The following MRTO4 variants were observed in gnomAD, a reference collection of about 807,000 sequenced individuals.
MRTO4 encodes the protein mRNA turnover protein 4 homolog.
Under a neutral mutation model 28.6 loss-of-function variants are expected in MRTO4, and 7 were observed. The observed-to-expected ratio is 0.24, with a 90% CI of 0.14 to 0.46. The LOEUF (loss-of-function observed/expected upper bound fraction) is 0.46. Among genes scored for constraint, MRTO4 ranks in the 20% least tolerant of loss-of-function variants. The pLI is 0.99. For synonymous variants in MRTO4, 113 were observed against 108.2 expected, an observed-to-expected ratio of 1.04 and a Z score of -0.27; for missense variants, 302 against 298.3, an observed-to-expected ratio of 1.01 and a Z score of -0.09.
Position 19,255,953 on chromosome 1 carries a change from G to A in MRTO4, c.93G>A (p.Arg31=), listed in dbSNP as rs1260965426. 6.2e-7 allele frequency: 1 copy of A among 1,613,874 alleles called. No individual in the cohort carries two copies. Among genetic ancestry groups the A allele is most frequent in the African/African-American group, 1.3e-5 (1 of 74,882 alleles). ...ELKQNLIEEL[R]KCVDTYKYLF... is the part of the protein sequence containing the mutation. ...CCTCGTGAATTGTCCCACAGCTTCG[G>A]AAATGTGTGGACACCTACAAGTACC... is the stretch of plus-strand genomic sequence containing the variant. Residue 31 remains arginine, a synonymous_variant, in exon 3 of 8, where the codon CGG becomes CGA. Coordinates refer to ENST00000330263, the MANE Select transcript of MRTO4 (RefSeq NM_016183.4).
rs2093676370 is a variant in MRTO4, at chr1:19,259,166, G to A, written c.*336G>A. The A allele has an allele frequency of 5.4e-6, 1 of 184,274 alleles. No homozygotes were observed. Among genetic ancestry groups the A allele is most frequent in the Admixed American group, 5.4e-5 (1 of 18,532 alleles). The allele number at this position is 184,274 out of a possible 1,614,324, so 11.4% of individuals were successfully genotyped here. A position where few individuals can be genotyped will look rare whatever the true frequency, so the allele number is the denominator to read the frequency against. ...TGTAGTCCCAGCTACTCAGGAGGCTGAGGCAGGAGAATCACTTGAACCCGG... is the reference window on the plus strand; with the variant it reads ...TGTAGTCCCAGCTACTCAGGAGGCTAAGGCAGGAGAATCACTTGAACCCGG... On this transcript the variant is annotated 3_prime_UTR_variant, in exon 8 of 8. Coordinates refer to ENST00000330263, the MANE Select transcript of MRTO4 (RefSeq NM_016183.4).
rs1447507876 is a variant in MRTO4 at position 19,251,855 on chromosome 1, A to G, written c.20A>G (p.Asp7Gly). Residue 7 changes from aspartate (D) to glycine (G), a missense_variant, in exon 1 of 8, where the codon GAC (aspartate) becomes GGC (glycine). By Grantham distance (94) the Asp-to-Gly change is moderately conservative (BLOSUM62 -1). Coordinates refer to ENST00000330263, the MANE Select transcript of MRTO4 (RefSeq NM_016183.4). Reference sequence around the variant, plus strand: ...AGCGCGATGCCCAAATCCAAGCGCGACAAGAAAGGTGGGCGAAGGGGGAGT... The same window carrying G: ...AGCGCGATGCCCAAATCCAAGCGCGGCAAGAAAGGTGGGCGAAGGGGGAGT... MPKSKRDKKVSLTKTAK... is the reference protein window; with the variant it reads MPKSKRGKKVSLTKTAK... The G allele has an allele frequency of 6.3e-7, 1 of 1,591,528 alleles. No individual in the cohort carries two copies. Among genetic ancestry groups the G allele is most frequent in the Non-Finnish European group, 8.5e-7 (1 of 1,169,604 alleles).
chr1:19,253,385 G>A (rs899587062), intron 1 of MRTO4, among the ~76,000 whole-genome samples: 1 of 152,212 alleles, frequency 6.6e-6, no homozygotes, highest in East Asian at 1.9e-4. Flanking sequence ...AGCAGAAGGA[G>A]CCAAATAGAG....
At chr1:19,254,977 C>A in intron 2 of MRTO4, 137 bp downstream of exon 2, 1 of 710,022 alleles carries the variant, frequency 1.4e-6, no homozygotes, top group Non-Finnish European at 2.3e-6. Flanking sequence ...AGCTGCCAAT[C>A]CAGGCCTTTT....
At chr1:19,252,770 C>T (rs1401446393) in intron 1 of MRTO4, among the ~76,000 whole-genome samples, 2 of 152,230 alleles carry the variant, frequency 1.3e-5, no homozygotes, top group Non-Finnish European at 2.9e-5. Flanking sequence ...CCCACCTCAA[C>T]CTCCCGAGTA....
At position 19,259,116 on chromosome 1, in the gene MRTO4, C is replaced by G. The variant is rs545973093; in HGVS notation, c.*286C>G. 3.5e-5 allele frequency: 9 copies of G among 254,656 alleles called. No individual in the cohort carries two copies. The highest frequency in any genetic ancestry group is 2.2e-4 in the South Asian group (3 of 13,608). 15.8% of individuals were successfully genotyped at this position (254,656 alleles called of 1,614,324 possible). A position where few individuals can be genotyped will look rare whatever the true frequency, so the allele number is the denominator to read the frequency against. On this transcript the variant is annotated 3_prime_UTR_variant, in exon 8 of 8. Coordinates refer to ENST00000330263, the MANE Select transcript of MRTO4 (RefSeq NM_016183.4). ...TCTCTACTAAAAATAGAAAAAAAAA[C>G]TAGTTGGGCATAGTGGCATGTGCCT... is the stretch of plus-strand genomic sequence containing the variant.
intron 1 of MRTO4, among the ~76,000 whole-genome samples, chr1:19,252,527 T>G: frequency 6.6e-6 from 1 of 152,134 alleles, no homozygotes; most frequent in Non-Finnish European, 1.5e-5. Flanking sequence ...GTGAAACCCC[T>G]TTTCTACTAA....
chr1:19,258,384 G>A lies in MRTO4; in HGVS notation c.494-93G>A, dbSNP rs899165659. On this transcript the variant is annotated intron_variant, in intron 6 of 7. Transcript: ENST00000330263. Reference sequence around the variant, plus strand: ...TGTGTTGGAGCCGTGGGGAGGGCAGGTGGCTGACTGGATTCCTCCCAACAT... The same window carrying A: ...TGTGTTGGAGCCGTGGGGAGGGCAGATGGCTGACTGGATTCCTCCCAACAT... The A allele has an allele frequency of 2.0e-6, 3 of 1,478,468 alleles. No individual in the cohort carries two copies. The African/African-American group carries it at 4.1e-5, about 20-fold the overall frequency. 91.6% of individuals were successfully genotyped at this position (1,478,468 alleles called of 1,614,324 possible).
In MRTO4 at chr1:19,258,956, ACCT is replaced by A. The variant is rs2093676015; in HGVS notation, c.*130_*132del. 2.5e-6 allele frequency: 3 copies of A among 1,183,178 alleles called. No homozygotes were observed. The highest frequency in any genetic ancestry group is 1.6e-5 in the African/African-American group (1 of 64,198). 73.3% of individuals were successfully genotyped at this position (1,183,178 alleles called of 1,614,324 possible). A position where few individuals can be genotyped will look rare whatever the true frequency, so the allele number is the denominator to read the frequency against. ...TAGACAGGGAACATGATGGGCACTG[ACCT>A]CCTGTAAAGAATAAAACTGTGGGCC... On this transcript the variant is annotated 3_prime_UTR_variant, in exon 8 of 8. Transcript: ENST00000330263.
At chr1:19,256,566 CAGG>C (rs2093671864) in intron 3 of MRTO4, among the ~76,000 whole-genome samples, 2 of 152,170 alleles carry the variant, frequency 1.3e-5, no homozygotes, top group Non-Finnish European at 2.9e-5. Flanking sequence ...GGCAGTTGCT[CAGG>C]AGATGTTTGA....
chr1:19,257,124 A>C lies in MRTO4; in HGVS notation c.252A>C (p.Glu84Asp). 6.2e-7 allele frequency: 1 copy of C among 1,614,162 alleles called. No homozygotes were observed. The highest frequency in any genetic ancestry group is 8.5e-7 in the Non-Finnish European group (1 of 1,180,022). The change falls in exon 4 of 8, where the codon GAA (glutamate) becomes GAC (aspartate). Residue 84 changes from glutamate to aspartate, a missense_variant. By Grantham distance (45) the Glu-to-Asp change is conservative. Coordinates refer to ENST00000330263, the MANE Select transcript of MRTO4 (RefSeq NM_016183.4). Reference sequence around the variant, plus strand: ...CCTTGGGTCGGAGCCCATCTGATGAATACAAAGACAACCTGCACCAGGTAA... The same window carrying C: ...CCTTGGGTCGGAGCCCATCTGATGACTACAAAGACAACCTGCACCAGGTAA... ...MVALGRSPSD[E>D]YKDNLHQVSK...
chr1:19,258,985 G>T lies in MRTO4; in HGVS notation c.*155G>T. On this transcript the variant is annotated 3_prime_UTR_variant, in exon 8 of 8. Transcript: ENST00000330263. ...CCTGTAAAGAATAAAACTGTGGGCCGGGCGCGGTGGCTCACGCCTGGAATC... is the reference window on the plus strand; with the variant it reads ...CCTGTAAAGAATAAAACTGTGGGCCTGGCGCGGTGGCTCACGCCTGGAATC... The T allele has an allele frequency of 1.0e-6, 1 of 980,216 alleles. No individual in the cohort carries two copies. The allele number at this position is 980,216 out of a possible 1,614,324, so 60.7% of individuals were successfully genotyped here.
chr1:19,258,802 A>C lies in MRTO4; in HGVS notation c.692A>C (p.Glu231Ala), dbSNP rs1269446772. 2 of 1,614,060 alleles carry C rather than the reference A, an allele frequency of 1.2e-6. No individual in the cohort carries two copies. The highest frequency in any genetic ancestry group is 2.7e-5 in the African/African-American group (2 of 74,920). Residue 231 changes from glutamate to alanine, a missense_variant, in exon 8 of 8, where the codon GAA becomes GCA. Coordinates refer to ENST00000330263, the MANE Select transcript of MRTO4 (RefSeq NM_016183.4). ...CCAGAGAGCGCATCTGAGTCCACAG[A>C]AGAGTCAGACTCAGAAGATGATGAC... ...DLPESASEST[E>A]ESDSEDDD
intron 6 of MRTO4, 141 bp from the exon 7 acceptor site, chr1:19,258,336 A>G: frequency 9.7e-7 from 1 of 1,032,766 alleles, no homozygotes; most frequent in South Asian, 1.4e-5. Flanking sequence ...AAGGGACCTC[A>G]GGGAGACAGC....
intron 4 of MRTO4, 27 bp from the exon 5 acceptor site, chr1:19,257,427 C>T (rs773456188): frequency 2.5e-6 from 4 of 1,613,664 alleles, no homozygotes; most frequent in Middle Eastern, 1.7e-4. Flanking sequence ...CTAATGTGAC[C>T]AAGCTGTCCT....
Position 19,258,554 on chromosome 1 carries a change from G to A in MRTO4, c.570+1G>A, listed in dbSNP as rs2093675112. The A allele has an allele frequency of 6.2e-7, 1 of 1,614,118 alleles. No homozygotes were observed. The highest frequency in any genetic ancestry group is 8.5e-7 in the Non-Finnish European group (1 of 1,180,042). On this transcript the variant is annotated splice_donor_variant, in intron 7 of 7. Transcript: ENST00000330263. LOFTEE classifies it high-confidence loss of function. ...GACCCCAGAGCAGGCTCGCGTCCTG[G>A]TGAGTCTGGCGCCTTGCGGGCTGTT...
chr1:19,259,801 T>A lies in MRTO4; in HGVS notation c.*971T>A, dbSNP rs2093677721. On this transcript the variant is annotated 3_prime_UTR_variant, in exon 8 of 8. Coordinates refer to ENST00000330263, the MANE Select transcript of MRTO4 (RefSeq NM_016183.4). ...AGACAGCCTTGGGCTGAGAGTGACA[T>A]CACTGCAAGAGTTGAGAGCCAGCGT... The A allele has an allele frequency of 6.6e-6, 1 of 152,254 alleles. No individual in the cohort carries two copies. Among genetic ancestry groups the A allele is most frequent in the Non-Finnish European group, 1.5e-5 (1 of 68,050 alleles). 9.4% of individuals were successfully genotyped at this position (152,254 alleles called of 1,614,324 possible).
chr1:19,253,912 C>T (rs535236702), intron 1 of MRTO4, among the ~76,000 whole-genome samples: 2 of 152,220 alleles, frequency 1.3e-5, no homozygotes, highest in East Asian at 3.9e-4. Flanking sequence ...CAAATTGGGC[C>T]CCAGCCATTT....
At chr1:19,252,648 G>A (rs1316153657) in intron 1 of MRTO4, among the ~76,000 whole-genome samples, 1 of 152,072 alleles carries the variant, frequency 6.6e-6, no homozygotes, top group African/African-American at 2.4e-5. Flanking sequence ...GCAATGAGCC[G>A]AGATCGCTCC....
Sources: allele counts gnomAD v4.1 joint callset (sites outside exome capture counted in the v4.1 genomes callset), GRCh38; gene constraint gnomAD v4.1.1; transcripts MANE v1.5; gene names NCBI Gene and HGNC (gene_info 2026-07-23, HGNC 2026-07-21).